The following MGAM variants were observed in gnomAD, a reference collection of about 807,000 sequenced individuals.
The protein encoded by MGAM is alpha-1,4-glucosidase.
MGAM carries 253 observed loss-of-function variants against 358.8 expected under a neutral mutation model. That is an observed-to-expected ratio of 0.71 (90% CI 0.64 to 0.78). The LOEUF is 0.78. Among genes scored for constraint, MGAM ranks in the 30% least tolerant of loss-of-function variants. MGAM has a pLI of 0.00. For missense variants in MGAM, 3,080 were observed against 3,432.6 expected (o/e 0.90, Z 2.57); for synonymous variants, 1,105 against 1,227.1 (o/e 0.90, Z 2.08).
chr7:142,054,816 A>C lies in MGAM; in HGVS notation c.3222A>C (p.Pro1074=). ...VPVPLNIPSM[P]SSTPEGQLYD... ...TCCCTCTGAACATACCCAGCATGCC[A>C]TCCAGCACCCCTGAGGGTCAACTCT... Residue 1074 remains proline (P), a synonymous_variant, in exon 27 of 71, where the codon CCA becomes CCC. Coordinates refer to ENST00000475668, the MANE Select transcript of MGAM (RefSeq NM_001365693.1). The C allele has an allele frequency of 6.2e-7, 1 of 1,614,000 alleles. No individual in the cohort carries two copies. Among genetic ancestry groups the C allele is most frequent in the South Asian group, 1.1e-5 (1 of 91,082 alleles).
rs372171192 is a variant in MGAM, at chr7:142,075,884, A to G, written c.5276-319A>G. Among the ~76,000 whole-genome samples the G allele has an allele frequency of 6.3e-4, 92 of 146,172 alleles. 9 individuals carry two copies. In the South Asian group the frequency reaches 0.02, roughly 31 times the overall value. ...TGGAAAATAGAATGGAGGTTCCTCA[A>G]AAAATTAAAAACAGAACTTCCATAC... is the stretch of plus-strand genomic sequence containing the variant. On this transcript the variant is annotated intron_variant, in intron 45 of 70. Transcript: ENST00000475668.
At chr7:142,099,793 AT>A (rs1816289115) in intron 67 of MGAM, 56 bp downstream of exon 67, 4 of 1,592,834 alleles carry the variant, frequency 2.5e-6, no homozygotes, top group Non-Finnish European at 3.4e-6. Flanking sequence ...ACAATTTGTA[AT>A]GAAGTCCACC....
chr7:142,028,630 T>C (rs1342833480), intron 10 of MGAM, among the ~76,000 whole-genome samples: 2 of 152,208 alleles, frequency 1.3e-5, no homozygotes, highest in African/African-American at 4.8e-5. Context: ...AAAATTTGCC[T>C]TTCTCTTTAG....
intron 22 of MGAM, 82 bp from the exon 23 acceptor site, chr7:142,050,153 T>C: frequency 7.3e-7 from 1 of 1,369,194 alleles, no homozygotes; most frequent in Admixed American, 1.7e-5. Context: ...CCTCAAGGCA[T>C]AGCTGAAAGG....
upstream of MGAM, among the ~76,000 whole-genome samples, chr7:141,994,048 G>A (rs115691103): frequency 3.1e-3 from 469 of 152,150 alleles, 2 homozygotes; most frequent in African/African-American, 0.01. Flanking sequence ...GCTAATTTTC[G>A]TACTTTTAGT....
intron 21 of MGAM, among the ~76,000 whole-genome samples, chr7:142,046,419 T>C (rs1331100703): frequency 6.6e-6 from 1 of 151,958 alleles, no homozygotes; most frequent in Non-Finnish European, 1.5e-5. Flanking sequence ...CAGAGATGAT[T>C]TGCCTTCTCC....
chr7:142,055,059 G>A (rs1184615952), intron 27 of MGAM, among the ~76,000 whole-genome samples, 151 bp downstream of exon 27: 1 of 152,146 alleles, frequency 6.6e-6, no homozygotes, highest in African/African-American at 2.4e-5. Context: ...ATTCTTACAG[G>A]AAATCTTTAG....
Position 142,095,669 on chromosome 7 carries a change from G to A in MGAM, c.7563G>A (p.Lys2521=). The A allele has an allele frequency of 6.2e-7, 1 of 1,613,956 alleles. No individual in the cohort carries two copies. Residue 2521 remains lysine (K), a synonymous_variant, in exon 64 of 71, where the codon AAG becomes AAA. Transcript: ENST00000475668. The part of the protein sequence containing the change: ...LLPYLYTLMH[K]AHTEGVTVVR... ...CATATCTGTATACCTTGATGCATAAGGCCCACACGGAGGGCGTCACTGTTG... is the reference window on the plus strand; with the variant it reads ...CATATCTGTATACCTTGATGCATAAAGCCCACACGGAGGGCGTCACTGTTG...
Position 142,031,679 on chromosome 7 carries a change from G to A in MGAM, c.1471-1G>A. The A allele has an allele frequency of 1.2e-6, 2 of 1,600,184 alleles. No individual in the cohort carries two copies. Among genetic ancestry groups the A allele is most frequent in the Non-Finnish European group, 1.7e-6 (2 of 1,168,572 alleles). The stretch of plus-strand genomic sequence containing the variant: ...CCAGTGTTTTTCTTTTTCTCCTGAA[G>A]GTCTGGCCTGGACAAACTGTGTTTC... On this transcript the variant is annotated splice_acceptor_variant, in intron 12 of 70. Transcript: ENST00000475668. LOFTEE classifies it high-confidence loss of function.
chr7:142,055,433 T>A lies in MGAM; in HGVS notation c.3315-125T>A, dbSNP rs1811414281. Reference sequence around the variant, plus strand: ...ATATTTTAATCAAATTGAGTTTCAGTTTTGTTTGGGATATGAACAGCTTCT... The same window carrying A: ...ATATTTTAATCAAATTGAGTTTCAGATTTGTTTGGGATATGAACAGCTTCT... On this transcript the variant is annotated intron_variant, in intron 27 of 70. Coordinates refer to ENST00000475668, the MANE Select transcript of MGAM (RefSeq NM_001365693.1). 15 of 1,177,190 alleles carry A rather than the reference T, an allele frequency of 1.3e-5. No homozygotes were observed. In the Admixed American group the frequency reaches 3.0e-4, roughly 23 times the overall value. The allele number at this position is 1,177,190 out of a possible 1,614,324, so 72.9% of individuals were successfully genotyped here.
Position 142,017,846 on chromosome 7 carries a change from T to C in MGAM, c.328-1353T>C, listed in dbSNP as rs546617375. Reference sequence around the variant, plus strand: ...TTTCTGACCATTTGCAAGGCTGTATTCTCCTGAAAATGTGCTTAGAGATAC... The same window carrying C: ...TTTCTGACCATTTGCAAGGCTGTATCCTCCTGAAAATGTGCTTAGAGATAC... On this transcript the variant is annotated intron_variant, in intron 3 of 70. Coordinates refer to ENST00000475668, the MANE Select transcript of MGAM (RefSeq NM_001365693.1). Among the ~76,000 whole-genome samples, 14 of 152,294 alleles carry C rather than the reference T, an allele frequency of 9.2e-5. 1 individual carries two copies. In the South Asian group the frequency reaches 2.9e-3, roughly 32 times the overall value.
At chr7:142,050,518 T>C (rs1008349756) in intron 23 of MGAM, among the ~76,000 whole-genome samples, 179 bp from the exon 24 acceptor site, 1 of 152,182 alleles carries the variant, frequency 6.6e-6, no homozygotes, top group African/African-American at 2.4e-5. Flanking sequence ...TTTATGATCG[T>C]TTTAAATTAG....
intron 4 of MGAM, among the ~76,000 whole-genome samples, chr7:142,019,984 G>A (rs936574488): frequency 1.7e-4 from 26 of 151,756 alleles, no homozygotes; most frequent in Admixed American, 7.9e-4. Flanking sequence ...CAGGAGAATC[G>A]CCTGAACCCA....
At chr7:142,042,708 T>C (rs1419801075) in intron 21 of MGAM, among the ~76,000 whole-genome samples, 1 of 66,288 alleles carries the variant, frequency 1.5e-5, no homozygotes, top group Non-Finnish European at 2.5e-5. Context: ...ATATTATATA[T>C]AATATATTAC....
intron 43 of MGAM, among the ~76,000 whole-genome samples, 176 bp from the exon 44 acceptor site, chr7:142,070,818 C>A (rs1235496214): frequency 6.8e-6 from 1 of 146,192 alleles, no homozygotes; most frequent in East Asian, 2.0e-4. Context: ...ATTATAGCAG[C>A]CTTGCGAGGT....
Position 142,050,863 on chromosome 7 carries a change from A to G in MGAM, c.2804A>G (p.Lys935Arg), listed in dbSNP as rs1486944113. The G allele has an allele frequency of 1.9e-6, 3 of 1,613,490 alleles. No homozygotes were observed. The East Asian group carries it at 6.7e-5, about 36-fold the overall frequency. The part of the protein sequence containing the change: ...SPTVTYDSNL[K>R]VAIITDIDLL... ...ACAGTCACTTATGATTCTAACCTGA[A>G]GGTAAAAACCCATTTTGTTGAGATG... The change falls in exon 24 of 71, where the codon AAG becomes AGG. Residue 935 changes from lysine to arginine, a missense_variant and splice_region_variant. This residue lies in a region of MGAM where 1,816 missense variants were observed against 1,840.5 expected (regional missense o/e 0.99). Transcript: ENST00000475668.
rs1554491592 is a variant in MGAM at position 142,088,695 on chromosome 7, T to TATCTATCC, written c.6810+1981_6810+1982insTATCCATC. Among the ~76,000 whole-genome samples, 6 of 127,942 alleles carry TATCTATCC rather than the reference T, an allele frequency of 4.7e-5. 1 individual carries two copies. The highest frequency in any genetic ancestry group is 4.5e-4 in the East Asian group (2 of 4,400). 83.9% of individuals were successfully genotyped at this position (127,942 alleles called of 152,430 possible). A position where few individuals can be genotyped will look rare whatever the true frequency, so the allele number is the denominator to read the frequency against. On this transcript the variant is annotated intron_variant, in intron 57 of 70. Coordinates refer to ENST00000475668, the MANE Select transcript of MGAM (RefSeq NM_001365693.1). ...CTATCTATCTATCTATCTATCTATC[T>TATCTATCC]ATCCATCCAGCCACCCTATTCATTT... is the stretch of plus-strand genomic sequence containing the variant.
rs782733042 is a variant in MGAM, at chr7:142,008,584, A to C, written c.206A>C (p.His69Pro). 1.9e-6 allele frequency: 3 copies of C among 1,613,020 alleles called. No individual in the cohort carries two copies. The highest frequency in any genetic ancestry group is 2.5e-6 in the Non-Finnish European group (3 of 1,179,294). Reference sequence around the variant, plus strand: ...GATCCTGGAACAACTGGTACCACACATGCTAGGACAACGGGTCCCCCAGAT... The same window carrying C: ...GATCCTGGAACAACTGGTACCACACCTGCTAGGACAACGGGTCCCCCAGAT... ...TPDPGTTGTTHARTTGPPDPG... is the reference protein window; with the variant it reads ...TPDPGTTGTTPARTTGPPDPG... Residue 69 changes from histidine (H) to proline (P), a missense_variant, in exon 3 of 71, where the codon CAT (histidine) becomes CCT (proline). Physicochemically the swap from His to Pro is moderately conservative, Grantham distance 77. This residue lies in a region of MGAM where 1,816 missense variants were observed against 1,840.5 expected (regional missense o/e 0.99). Transcript: ENST00000475668.
chr7:142,101,352 G>A (rs921389272), intron 68 of MGAM, among the ~76,000 whole-genome samples: 12 of 151,646 alleles, frequency 7.9e-5, no homozygotes, highest in Middle Eastern at 3.4e-3. Context: ...TTCTAGACAA[G>A]TGCTATCCAA....
Sources: allele counts gnomAD v4.1 joint callset (sites outside exome capture counted in the v4.1 genomes callset), GRCh38; gene constraint gnomAD v4.1.1; regional missense constraint gnomAD v4.1.1; transcripts MANE v1.5; gene names NCBI Gene and HGNC (gene_info 2026-07-23, HGNC 2026-07-21).